The following TTLL11 variants were observed in gnomAD, a reference collection of about 807,000 sequenced individuals.
The protein encoded by TTLL11 is tubulin polyglutamylase TTLL11.
A neutral mutation model predicts 51.7 loss-of-function variants in TTLL11; 42 were observed. The ratio of observed to expected loss-of-function variants is 0.81; its 90% CI spans 0.64 to 1.05. The LOEUF (loss-of-function observed/expected upper bound fraction) is 1.05, where lower values mean the gene tolerates loss of function less well. Among genes scored for constraint, TTLL11 ranks in the 50% least tolerant of loss-of-function variants. The probability of loss-of-function intolerance (pLI) is 0.00; values close to 1 mark genes in which losing one functional copy is unlikely to be tolerated. For missense variants in TTLL11, 799 were observed against 940.4 expected, an observed-to-expected ratio of 0.85 and a Z score of 1.97; for synonymous variants, 381 against 383.5, an observed-to-expected ratio of 0.99 and a Z score of 0.08.
chr9:122,038,610 C>T (rs1263401885), intron 2 of TTLL11, among the ~76,000 whole-genome samples: 1 of 152,174 alleles, frequency 6.6e-6, no homozygotes, highest in Non-Finnish European at 1.5e-5. Context: ...GATCGTGCTG[C>T]TGCTCTCCAG....
chr9:121,867,737 G>T (rs527275190), intron 7 of TTLL11, among the ~76,000 whole-genome samples: 1 of 152,148 alleles, frequency 6.6e-6, no homozygotes, highest in Admixed American at 6.5e-5. Context: ...CCCCCATTCT[G>T]TACTTGGAGC....
intron 2 of TTLL11, among the ~76,000 whole-genome samples, chr9:122,033,180 T>C (rs1844603220): frequency 6.6e-6 from 1 of 152,196 alleles, no homozygotes; most frequent in South Asian, 2.1e-4. Flanking sequence ...TGGCACGATC[T>C]TGGCTTACTG....
In TTLL11 at chr9:121,817,136, G is replaced by A. The variant is rs567328646; in HGVS notation, c.*5451C>T. 3 of 152,320 alleles carry A rather than the reference G, an allele frequency of 2.0e-5. No homozygotes were observed. In the South Asian group the frequency reaches 6.2e-4, roughly 32 times the overall value. The allele number at this position is 152,320 out of a possible 1,614,324, so 9.4% of individuals were successfully genotyped here. ...CCCAATTCTCAATTACAGGGCCAAG[G>A]AGTAGAGGACATTAGTCAAGAAATG... On this transcript the variant is annotated 3_prime_UTR_variant, in exon 9 of 9. Coordinates refer to ENST00000321582, the MANE Select transcript of TTLL11 (RefSeq NM_001139442.2).
At chr9:121,926,823 G>A (rs1840753869) in intron 6 of TTLL11, among the ~76,000 whole-genome samples, 1 of 152,196 alleles carries the variant, frequency 6.6e-6, no homozygotes, top group Non-Finnish European at 1.5e-5. Context: ...GAAAATCATA[G>A]CTGGGGTGGC....
intron 2 of TTLL11, among the ~76,000 whole-genome samples, chr9:122,032,190 A>T (rs966162414): frequency 1.3e-5 from 2 of 152,122 alleles, no homozygotes; most frequent in Non-Finnish European, 2.9e-5. Context: ...TTGCACTTAA[A>T]ATTTAATACC....
At chr9:121,996,191 C>T (rs887844260) in intron 3 of TTLL11, among the ~76,000 whole-genome samples, 19 of 152,168 alleles carry the variant, frequency 1.2e-4, no homozygotes, top group Non-Finnish European at 4.4e-5. Context: ...CCCTGGCAGT[C>T]TCACTTCCTG....
chr9:121,988,216 A>G (rs908048586), intron 4 of TTLL11, among the ~76,000 whole-genome samples: 2 of 151,790 alleles, frequency 1.3e-5, no homozygotes, highest in South Asian at 2.1e-4. Flanking sequence ...CATCCTCTCC[A>G]GCTTATGTGA....
At chr9:121,826,866 G>A (rs886203058) in intron 8 of TTLL11, among the ~76,000 whole-genome samples, 12 of 151,972 alleles carry the variant, frequency 7.9e-5, no homozygotes, top group South Asian at 2.1e-4. Context: ...GGGGGTGGTC[G>A]ACTGGGCTGA....
chr9:121,918,281 G>A (rs1265195692), intron 6 of TTLL11, among the ~76,000 whole-genome samples: 1 of 152,220 alleles, frequency 6.6e-6, no homozygotes, highest in Non-Finnish European at 1.5e-5. Flanking sequence ...CTGCTACAGG[G>A]TAGAGCATTG....
At chr9:121,824,322 A>T (rs1483605500) in intron 8 of TTLL11, among the ~76,000 whole-genome samples, 1 of 151,968 alleles carries the variant, frequency 6.6e-6, no homozygotes, top group Non-Finnish European at 1.5e-5. Flanking sequence ...TAAAAATACC[A>T]AAACTAGCTG....
Position 121,954,424 on chromosome 9 carries a change from C to T in TTLL11, c.1481+19585G>A, listed in dbSNP as rs116299729. Among the ~76,000 whole-genome samples, 349 of 152,256 alleles carry T rather than the reference C, an allele frequency of 2.3e-3. 2 individuals are homozygous for T. Among genetic ancestry groups the T allele is most frequent in the African/African-American group, 8.0e-3 (334 of 41,534 alleles). On this transcript the variant is annotated intron_variant, in intron 6 of 8. Transcript: ENST00000321582. ...AATGAATCCAGGCTGAGGATAAATG[C>T]GAAACCTTGTAATATCACTCTTGTG... is the stretch of plus-strand genomic sequence containing the variant.
chr9:121,895,026 A>C (rs1279892756), intron 6 of TTLL11, among the ~76,000 whole-genome samples: 1 of 152,214 alleles, frequency 6.6e-6, no homozygotes, highest in Admixed American at 6.5e-5. Flanking sequence ...CGACAGGAAT[A>C]AACTGATTAA....
chr9:121,978,153 C>T (rs941088008), intron 4 of TTLL11, among the ~76,000 whole-genome samples: 5 of 152,114 alleles, frequency 3.3e-5, no homozygotes, highest in Non-Finnish European at 7.4e-5. Context: ...TGAGAGCCAG[C>T]TTTATGACAT....
chr9:122,049,952 T>C (rs956623082), intron 1 of TTLL11, among the ~76,000 whole-genome samples: 11 of 151,964 alleles, frequency 7.2e-5, no homozygotes, highest in African/African-American at 2.7e-4. Context: ...AGGGGGGAAA[T>C]GGTCCAAATG....
intron 6 of TTLL11, among the ~76,000 whole-genome samples, chr9:121,915,642 G>C (rs1019071573): frequency 2.0e-5 from 3 of 152,080 alleles, no homozygotes; most frequent in African/African-American, 4.8e-5. Context: ...AATATGTACT[G>C]TTTGTGTGTG....
At chr9:121,834,630 C>T (rs1344550276) in intron 8 of TTLL11, among the ~76,000 whole-genome samples, 1 of 152,040 alleles carries the variant, frequency 6.6e-6, no homozygotes, top group African/African-American at 2.4e-5. Flanking sequence ...AGTTCGAGAC[C>T]AGTCTGGCCA....
intron 1 of TTLL11, among the ~76,000 whole-genome samples, chr9:122,060,877 G>A (rs929657802): frequency 1.3e-5 from 2 of 152,228 alleles, no homozygotes; most frequent in Non-Finnish European, 2.9e-5. Flanking sequence ...TATTCCTGGG[G>A]TATGGGAGAA....
intron 6 of TTLL11, among the ~76,000 whole-genome samples, chr9:121,905,396 G>A (rs1588114298): frequency 6.6e-6 from 1 of 150,592 alleles, no homozygotes; most frequent in Non-Finnish European, 1.5e-5. Context: ...TCGTCACCCA[G>A]GCTGGAGTGA....
In TTLL11 at chr9:121,989,214, G is replaced by C; in HGVS notation, c.1250C>G (p.Pro417Arg). The change falls in exon 4 of 9, where the codon CCG becomes CGG. Residue 417 changes from proline to arginine, a missense_variant. Transcript: ENST00000321582. This position sits in a 1 kb window ranked among gnomAD's most constrained non-coding sequence, Gnocchi z 4.2. ...FYQSDIPTGRPGPTCFQILGF... is the reference protein window; with the variant it reads ...FYQSDIPTGRRGPTCFQILGF... Reference sequence around the variant, plus strand: ...GGTTACCTGGAAGCACGTGGGGCCCGGCCTCCCCGTGGGGATGTCTGACTG... The same window carrying C: ...GGTTACCTGGAAGCACGTGGGGCCCCGCCTCCCCGTGGGGATGTCTGACTG... The C allele has an allele frequency of 6.2e-7, 1 of 1,614,008 alleles. No individual in the cohort carries two copies. The highest frequency in any genetic ancestry group is 8.5e-7 in the Non-Finnish European group (1 of 1,179,914).
Sources: gnomAD v4.1 joint callset for allele counts (sites outside exome capture counted in the v4.1 genomes callset) on GRCh38, gnomAD v4.1.1 for gene constraint, Gnocchi (gnomAD v3.1) non-coding constraint, MANE v1.5 for transcripts, NCBI Gene and HGNC (gene_info 2026-07-23, HGNC 2026-07-21) for gene names.